The following SLC22A3 variants were observed in gnomAD, a reference collection of about 807,000 sequenced individuals.
The protein encoded by SLC22A3 is solute carrier family 22 member 3.
Under a neutral mutation model 59.1 loss-of-function variants are expected in SLC22A3, and 51 were observed. The ratio of observed to expected loss-of-function variants is 0.86; its 90% confidence interval spans 0.69 to 1.09. SLC22A3 has a LOEUF of 1.09. Ranked by LOEUF, SLC22A3 falls within the 50% of genes least tolerant of loss-of-function variation. The probability of loss-of-function intolerance (pLI) is 0.00; values close to 1 mark genes in which losing one functional copy is unlikely to be tolerated. For missense variants in SLC22A3, 711 were observed against 726.3 expected (o/e 0.98, Z 0.24); for synonymous variants, 325 against 292.0 (o/e 1.11, Z -1.15).
At chr6:160,408,128 A>G (rs1163205600) in intron 3 of SLC22A3, among the ~76,000 whole-genome samples, 1 of 152,212 alleles carries the variant, frequency 6.6e-6, no homozygotes, top group African/African-American at 2.4e-5. Context: ...AAAGTAGCCT[A>G]TCCCAGGATA....
chr6:160,348,424 C>T lies in SLC22A3; in HGVS notation c.5C>T (p.Pro2Leu), dbSNP rs769758203. Residue 2 changes from proline (P) to leucine (L), a missense_variant, in exon 1 of 11, where the codon CCC (proline) becomes CTC (leucine). Transcript: ENST00000275300. M[P>L]SFDEALQRVG... is the part of the protein sequence containing the mutation. ...GCGGCGGGCGGCGGGCGCACCATGC[C>T]CTCCTTCGACGAGGCGCTGCAGCGG... 2 of 1,495,780 alleles carry T rather than the reference C, an allele frequency of 1.3e-6. No individual in the cohort carries two copies. The highest frequency in any genetic ancestry group is 1.8e-6 in the Non-Finnish European group (2 of 1,127,014). 92.7% of individuals were successfully genotyped at this position (1,495,780 alleles called of 1,614,324 possible). A position where few individuals can be genotyped will look rare whatever the true frequency, so the allele number is the denominator to read the frequency against.
At chr6:160,419,324 GGGATTTTTA>G (rs1414804720) in intron 5 of SLC22A3, among the ~76,000 whole-genome samples, 1 of 152,134 alleles carries the variant, frequency 6.6e-6, no homozygotes, top group East Asian at 1.9e-4. Flanking sequence ...CTTTCAAAGG[GGGATTTTTA>G]TAAACATAAT....
At chr6:160,418,549 T>G (rs1438985125) in intron 5 of SLC22A3, among the ~76,000 whole-genome samples, 1 of 152,168 alleles carries the variant, frequency 6.6e-6, no homozygotes, top group Non-Finnish European at 1.5e-5. Context: ...GTTTTGTCCC[T>G]CTAGAGAACC....
chr6:160,395,208 C>A (rs1157204265), intron 1 of SLC22A3, among the ~76,000 whole-genome samples: 1 of 152,096 alleles, frequency 6.6e-6, no homozygotes, highest in Non-Finnish European at 1.5e-5. Flanking sequence ...TTTTATGGGA[C>A]AGTCAAGAAG....
intron 1 of SLC22A3, among the ~76,000 whole-genome samples, chr6:160,382,976 T>G (rs1392589750): frequency 1.3e-5 from 2 of 152,142 alleles, no homozygotes; most frequent in Admixed American, 6.5e-5. Flanking sequence ...TGACAATAGA[T>G]TTTTAAAAAT....
rs903177962 is a variant in SLC22A3 at position 160,451,057 on chromosome 6, G to A, written c.*1G>A. On this transcript the variant is annotated 3_prime_UTR_variant, in exon 11 of 11. Transcript: ENST00000275300. ...CCCAGTTTCCCGCTCTCACCTTTGA[G>A]GCCCCCGACAAAGACAGAAAGAAGG... 6 of 1,590,054 alleles carry A rather than the reference G, an allele frequency of 3.8e-6. No homozygotes were observed. The South Asian group carries it at 6.9e-5, about 18-fold the overall frequency.
At chr6:160,387,686 G>T (rs1399044865) in intron 1 of SLC22A3, among the ~76,000 whole-genome samples, 2 of 151,984 alleles carry the variant, frequency 1.3e-5, no homozygotes, top group African/African-American at 2.4e-5. Context: ...CTGACTGTTT[G>T]CCAGCCCCAT....
intron 1 of SLC22A3, among the ~76,000 whole-genome samples, chr6:160,394,828 T>A (rs1004652320): frequency 6.6e-6 from 1 of 152,162 alleles, no homozygotes; most frequent in Non-Finnish European, 1.5e-5. Context: ...TGGGGCAGTA[T>A]CCCTTTGCCC....
At chr6:160,365,289 G>A (rs905947011) in intron 1 of SLC22A3, among the ~76,000 whole-genome samples, 2 of 152,150 alleles carry the variant, frequency 1.3e-5, no homozygotes, top group African/African-American at 2.4e-5. Context: ...GAGCAGTTTT[G>A]TGACTCACCC....
intron 5 of SLC22A3, among the ~76,000 whole-genome samples, chr6:160,423,005 C>T (rs556667972): frequency 2.6e-5 from 4 of 152,162 alleles, no homozygotes; most frequent in African/African-American, 7.2e-5. Flanking sequence ...CAACAGGCCC[C>T]GGTGTGTGAT....
intron 1 of SLC22A3, among the ~76,000 whole-genome samples, chr6:160,364,763 G>C (rs1246951744): frequency 6.6e-6 from 1 of 152,140 alleles, no homozygotes; most frequent in Admixed American, 6.5e-5. Flanking sequence ...TGTAACAAAA[G>C]GACTCCATCG....
intron 8 of SLC22A3, 134 bp from the exon 9 acceptor site, chr6:160,443,496 T>C: frequency 1.5e-6 from 1 of 680,634 alleles, no homozygotes. Context: ...GTTCTGAGAG[T>C]AGTCGTTTTC....
At chr6:160,368,555 G>A (rs1251848414) in intron 1 of SLC22A3, among the ~76,000 whole-genome samples, 1 of 152,152 alleles carries the variant, frequency 6.6e-6, no homozygotes, top group Non-Finnish European at 1.5e-5. Flanking sequence ...CTGCAGCTGA[G>A]CACCTGTAAT....
intron 7 of SLC22A3, among the ~76,000 whole-genome samples, 198 bp from the exon 8 acceptor site, chr6:160,442,563 C>T (rs374345627): frequency 1.7e-4 from 26 of 152,284 alleles, no homozygotes; most frequent in South Asian, 1.4e-3. Flanking sequence ...AGGCATCTAG[C>T]GCTCTAAAAT....
At chr6:160,444,289 G>C (rs1300756905) in intron 9 of SLC22A3, among the ~76,000 whole-genome samples, 1 of 152,074 alleles carries the variant, frequency 6.6e-6, no homozygotes, top group African/African-American at 2.4e-5. Context: ...GAGGATCAAG[G>C]CTGCAGTGAG....
intron 1 of SLC22A3, among the ~76,000 whole-genome samples, chr6:160,371,717 C>G (rs1242839764): frequency 2.0e-5 from 3 of 152,130 alleles, no homozygotes; most frequent in Non-Finnish European, 4.4e-5. Flanking sequence ...ATTGCTGGGT[C>G]AAGTGGTATT....
At chr6:160,373,666 C>T (rs1354674875) in intron 1 of SLC22A3, among the ~76,000 whole-genome samples, 1 of 152,182 alleles carries the variant, frequency 6.6e-6, no homozygotes, top group African/African-American at 2.4e-5. Flanking sequence ...CTATAAGCCC[C>T]TGACTGGGGC....
At chr6:160,348,915 C>G in intron 1 of SLC22A3, 67 bp downstream of exon 1, 1 of 1,533,808 alleles carries the variant, frequency 6.5e-7, no homozygotes, top group Non-Finnish European at 8.7e-7. Context: ...GCGGACAAGC[C>G]GCGTGTGAGA....
intron 3 of SLC22A3, 21 bp downstream of exon 3, chr6:160,407,216 CT>C: frequency 1.3e-6 from 2 of 1,580,352 alleles, no homozygotes; most frequent in Non-Finnish European, 1.7e-6. Flanking sequence ...CTTACACCAT[CT>C]TCTCTATTTG....
Sources: allele counts gnomAD v4.1 joint callset (sites outside exome capture counted in the v4.1 genomes callset), GRCh38; gene constraint gnomAD v4.1.1; transcripts MANE v1.5; gene names NCBI Gene and HGNC (gene_info 2026-07-23, HGNC 2026-07-21).